PSAT1: variants seen among roughly 807,000 people sequenced by gnomAD.
PSAT1 encodes phosphoserine aminotransferase.
PSAT1 carries 41 observed loss-of-function variants against 40.3 expected under a neutral mutation model. The ratio of observed to expected loss-of-function variants is 1.02; its 90% CI spans 0.79 to 1.32. PSAT1 has a LOEUF of 1.32. PSAT1 is among the 40% of genes most tolerant of loss of function. The probability of loss-of-function intolerance (pLI) is 0.00; values close to 1 mark genes in which losing one functional copy is unlikely to be tolerated. For missense variants in PSAT1, 406 were observed against 455.8 expected (o/e 0.89, Z 0.99); for synonymous variants, 147 against 170.5 (o/e 0.86, Z 1.07).
chr9:78,327,617 C>T (rs970522573), intron 7 of PSAT1, among the ~76,000 whole-genome samples: 11 of 152,146 alleles, frequency 7.2e-5, no homozygotes, highest in Non-Finnish European at 2.9e-5. Context: ...TTGGAAGTTG[C>T]TGCTCATTAT....
At chr9:78,305,929 C>T (rs187877403) in intron 4 of PSAT1, among the ~76,000 whole-genome samples, 5 of 152,238 alleles carry the variant, frequency 3.3e-5, no homozygotes, top group Admixed American at 6.5e-5. Context: ...CTGTGTTGCC[C>T]GGGTTGGAGT....
chr9:78,322,506 A>G (rs1350912393), intron 7 of PSAT1, among the ~76,000 whole-genome samples: 1 of 152,224 alleles, frequency 6.6e-6, no homozygotes, highest in Non-Finnish European at 1.5e-5. Flanking sequence ...GGCCTTAAAC[A>G]TACAACTCAA....
intron 6 of PSAT1, among the ~76,000 whole-genome samples, chr9:78,309,082 C>T (rs892052257): frequency 5.3e-5 from 8 of 152,248 alleles, no homozygotes. Context: ...CTCACCTCTC[C>T]CTCTGCACCA....
At chr9:78,326,122 C>T (rs780318555) in intron 7 of PSAT1, among the ~76,000 whole-genome samples, 32 of 152,066 alleles carry the variant, frequency 2.1e-4, no homozygotes, top group Non-Finnish European at 3.7e-4. Flanking sequence ...ATTTGTTTCC[C>T]CCTTTGGCCT....
chr9:78,298,054 T>C (rs1828053231), intron 1 of PSAT1, among the ~76,000 whole-genome samples: 1 of 151,976 alleles, frequency 6.6e-6, no homozygotes, highest in African/African-American at 2.4e-5. Context: ...AATTCCCTGT[T>C]CATTTCGTTC....
chr9:78,325,931 CTG>C (rs1022360729), intron 7 of PSAT1, among the ~76,000 whole-genome samples: 1 of 152,072 alleles, frequency 6.6e-6, no homozygotes, highest in African/African-American at 2.4e-5. Context: ...CAATTTTTTT[CTG>C]TTAAGTTAAA....
intron 1 of PSAT1, chr9:78,298,236 C>T (rs1175968006): frequency 3.0e-6 from 3 of 984,146 alleles, no homozygotes; most frequent in African/African-American, 3.5e-5. Context: ...TGCCTTGAGC[C>T]CATTGTCAGG....
intron 7 of PSAT1, among the ~76,000 whole-genome samples, chr9:78,324,473 T>G (rs1353768598): frequency 6.6e-6 from 1 of 152,158 alleles, no homozygotes; most frequent in Non-Finnish European, 1.5e-5. Context: ...TCAGTCTGCC[T>G]TGGCCCCTTC....
At chr9:78,315,852 C>G (rs983642838) in intron 6 of PSAT1, among the ~76,000 whole-genome samples, 14 of 152,196 alleles carry the variant, frequency 9.2e-5, no homozygotes, top group African/African-American at 3.4e-4. Flanking sequence ...CATAATGTCC[C>G]CTCCTGTTAA....
At chr9:78,326,352 A>T (rs774898978) in intron 7 of PSAT1, among the ~76,000 whole-genome samples, 2 of 152,162 alleles carry the variant, frequency 1.3e-5, no homozygotes, top group Non-Finnish European at 2.9e-5. Flanking sequence ...AATGTCAGCT[A>T]TTCTTCCATT....
intron 4 of PSAT1, among the ~76,000 whole-genome samples, chr9:78,305,587 A>G (rs915396593): frequency 1.3e-5 from 2 of 152,214 alleles, no homozygotes; most frequent in Non-Finnish European, 2.9e-5. Context: ...CTTTCTTGAA[A>G]GGTGGCTGCA....
Position 78,306,240 on chromosome 9 carries a change from C to A in PSAT1, c.398-74C>A. ...CTGCTAGGGGAGGCCTGTCAGTCTCCTGGTTGACTCCCATCTATGTAAGGA... is the reference window on the plus strand; with the variant it reads ...CTGCTAGGGGAGGCCTGTCAGTCTCATGGTTGACTCCCATCTATGTAAGGA... On this transcript the variant is annotated intron_variant, in intron 4 of 8. Coordinates refer to ENST00000376588, the MANE Select transcript of PSAT1 (RefSeq NM_058179.4). 17 of 1,536,574 alleles carry A rather than the reference C, an allele frequency of 1.1e-5. No homozygotes were observed. The South Asian group carries it at 1.7e-4, about 15-fold the overall frequency.
In PSAT1 at chr9:78,328,189, G is replaced by A. The variant is rs745553448; in HGVS notation, c.1007+1G>A. 4 of 1,614,000 alleles carry A rather than the reference G, an allele frequency of 2.5e-6. No homozygotes were observed. The highest frequency in any genetic ancestry group is 3.4e-6 in the Non-Finnish European group (4 of 1,180,016). On this transcript the variant is annotated splice_donor_variant, in intron 8 of 8. Coordinates refer to ENST00000376588, the MANE Select transcript of PSAT1 (RefSeq NM_058179.4). LOFTEE classifies it high-confidence loss of function. ...ATATGTTGTCCTTGAAAGGGCATAG[G>A]TGAGTACATCTGCAATGCACGAGCT...
intron 3 of PSAT1, among the ~76,000 whole-genome samples, chr9:78,302,347 C>G: frequency 6.6e-6 from 1 of 152,106 alleles, no homozygotes; most frequent in East Asian, 1.9e-4. Flanking sequence ...TCTTTGTCAG[C>G]ATAATTGACT....
intron 3 of PSAT1, 112 bp downstream of exon 3, chr9:78,302,135 A>C (rs1290224357): frequency 1.2e-6 from 1 of 826,724 alleles, no homozygotes; most frequent in African/African-American, 1.7e-5. Flanking sequence ...TCATAATTTA[A>C]AATAATCCTT....
intron 7 of PSAT1, among the ~76,000 whole-genome samples, chr9:78,326,955 A>ATATATATATATATTTTTTTTTT: frequency 4.0e-5 from 3 of 75,932 alleles, no homozygotes; most frequent in African/African-American, 2.8e-4. Context: ...ATATATATAT[A>ATATATATATATATTTTTTTTTT]TTTTTTTTTT....
intron 4 of PSAT1, 135 bp downstream of exon 4, chr9:78,305,075 C>A: frequency 1.3e-6 from 1 of 773,042 alleles, no homozygotes; most frequent in Non-Finnish European, 2.2e-6. Flanking sequence ...GGTGGCTGTA[C>A]TAGCTAAGAC....
intron 7 of PSAT1, among the ~76,000 whole-genome samples, chr9:78,322,030 G>A (rs1232967490): frequency 6.6e-6 from 1 of 151,884 alleles, no homozygotes; most frequent in African/African-American, 2.4e-5. Context: ...TTCCTTGCAT[G>A]TTAGCTCTTA....
chr9:78,328,930 T>G lies in PSAT1; in HGVS notation c.1008-51T>G, dbSNP rs538352406. On this transcript the variant is annotated intron_variant, in intron 8 of 8. Coordinates refer to ENST00000376588, the MANE Select transcript of PSAT1 (RefSeq NM_058179.4). ...CAGTGGCTAGAAAAAGGTGTTTTGA[T>G]GCGAAATTAGACGTTTTTGTTCTCA... 2.1e-6 allele frequency: 3 copies of G among 1,428,080 alleles called. No homozygotes were observed. The African/African-American group carries it at 4.2e-5, about 20-fold the overall frequency. The allele number at this position is 1,428,080 out of a possible 1,614,324, so 88.5% of individuals were successfully genotyped here.
Sources: allele counts gnomAD v4.1 joint callset (sites outside exome capture counted in the v4.1 genomes callset), GRCh38; gene constraint gnomAD v4.1.1; transcripts MANE v1.5; gene names NCBI Gene and HGNC (gene_info 2026-07-23, HGNC 2026-07-21).